CSMD3: variants seen among roughly 807,000 people sequenced by gnomAD.
CSMD3 encodes CUB and Sushi multiple domains 3, also known as CUB and sushi domain-containing protein 3.
A neutral mutation model predicts 435.2 loss-of-function variants in CSMD3; 177 were observed. That is an observed-to-expected ratio of 0.41 (90% CI 0.36 to 0.46). CSMD3 has a LOEUF of 0.46. Ranked by LOEUF, CSMD3 falls within the 20% of genes least tolerant of loss-of-function variation. The pLI is 0.34. For synonymous variants in CSMD3, 1,656 were observed against 1,520.5 expected, an observed-to-expected ratio of 1.09 and a Z score of -2.07; for missense variants, 4,265 against 4,504.6, an observed-to-expected ratio of 0.95 and a Z score of 1.52.
At position 112,241,932 on chromosome 8, in the gene CSMD3, G is replaced by T. The variant is rs560841720; in HGVS notation, c.10403-147C>A. The T allele has an allele frequency of 6.9e-5, 49 of 707,988 alleles. 1 individual carries two copies. In the South Asian group the frequency reaches 7.2e-4, roughly 10 times the overall value. The allele number at this position is 707,988 out of a possible 1,614,324, so 43.9% of individuals were successfully genotyped here. On this transcript the variant is annotated intron_variant, in intron 65 of 70. Coordinates refer to ENST00000297405, the MANE Select transcript of CSMD3 (RefSeq NM_198123.2). ...TCACATAGATAGTTTTCTCTAAAATGTTCCGTTCATCACAACATCTCAGTC... is the reference window on the plus strand; with the variant it reads ...TCACATAGATAGTTTTCTCTAAAATTTTCCGTTCATCACAACATCTCAGTC...
intron 6 of CSMD3, among the ~76,000 whole-genome samples, chr8:113,006,670 T>C (rs975636050): frequency 6.6e-6 from 1 of 151,898 alleles, no homozygotes; most frequent in Admixed American, 6.6e-5. Flanking sequence ...GGGGCAATAA[T>C]GTGTAACCTG....
At chr8:112,762,314 C>A (rs2077860065) in intron 13 of CSMD3, among the ~76,000 whole-genome samples, 1 of 151,770 alleles carries the variant, frequency 6.6e-6, no homozygotes, top group African/African-American at 2.4e-5. Context: ...CATGTATTGT[C>A]ATAAATAAAG....
chr8:112,410,265 C>A (rs969961788), intron 32 of CSMD3, among the ~76,000 whole-genome samples: 1 of 126,324 alleles, frequency 7.9e-6, no homozygotes, highest in African/African-American at 3.0e-5. Context: ...ACAGATACAG[C>A]GATGTTTCTT....
intron 38 of CSMD3, among the ~76,000 whole-genome samples, chr8:112,364,746 A>T (rs60009683): frequency 0.1 from 15,921 of 151,968 alleles, 1,923 homozygotes; most frequent in African/African-American, 0.3. Flanking sequence ...ATGATATTCC[A>T]TGAGCTAGGA....
chr8:113,371,202 G>A (rs890327055), intron 1 of CSMD3, among the ~76,000 whole-genome samples: 1 of 151,768 alleles, frequency 6.6e-6, no homozygotes, highest in East Asian at 1.9e-4. Context: ...CTTCTCAGTC[G>A]TATTACTTAA....
Position 112,921,956 on chromosome 8 carries a change from G to T in CSMD3, c.1509-205C>A, listed in dbSNP as rs116711459. On this transcript the variant is annotated intron_variant, in intron 9 of 70. Transcript: ENST00000297405. ...TCTTGTTAATAGATGTAGAACGAAG[G>T]TCAAATAATTCACTAAGTTTACCAT... is the stretch of plus-strand genomic sequence containing the variant. 7.7e-3 allele frequency among the ~76,000 whole-genome samples: 1,173 copies of T among 152,094 alleles called. 15 individuals are homozygous for T. The highest frequency in any genetic ancestry group is 0.027 in the African/African-American group (1,119 of 41,510).
At chr8:112,804,623 A>G (rs1174533705) in intron 12 of CSMD3, among the ~76,000 whole-genome samples, 3 of 151,696 alleles carry the variant, frequency 2.0e-5, no homozygotes, top group East Asian at 2.0e-4. Context: ...GTACATTTCA[A>G]TAACTTTCTC....
chr8:113,370,431 T>C (rs2094340262), intron 1 of CSMD3, among the ~76,000 whole-genome samples: 1 of 151,440 alleles, frequency 6.6e-6, no homozygotes, highest in African/African-American at 2.4e-5. Flanking sequence ...TTTTATCTTG[T>C]AGACAACTGT....
intron 12 of CSMD3, among the ~76,000 whole-genome samples, chr8:112,826,804 T>G (rs1314757986): frequency 1.3e-5 from 2 of 152,140 alleles, no homozygotes; most frequent in Non-Finnish European, 2.9e-5. Context: ...TAATCCCTAC[T>G]GAAGATGCAG....
chr8:112,305,758 A>T (rs1253488575), intron 51 of CSMD3, among the ~76,000 whole-genome samples: 3 of 152,158 alleles, frequency 2.0e-5, no homozygotes, highest in African/African-American at 2.4e-5. Flanking sequence ...ACAAAATAAA[A>T]CATCATTGTA....
At chr8:112,832,275 C>G (rs1459322783) in intron 11 of CSMD3, among the ~76,000 whole-genome samples, 1 of 152,074 alleles carries the variant, frequency 6.6e-6, no homozygotes, top group Non-Finnish European at 1.5e-5. Flanking sequence ...ATAATATCCT[C>G]CTCTTCAGTG....
chr8:112,954,671 G>A lies in CSMD3; in HGVS notation c.1420+13C>T. On this transcript the variant is annotated intron_variant, in intron 8 of 70. Coordinates refer to ENST00000297405, the MANE Select transcript of CSMD3 (RefSeq NM_198123.2). Reference sequence around the variant, plus strand: ...TTGCACTAGAGAAAGTAACAAAAAAGAAGTACACTCACAGATAGAAAACTT... The same window carrying A: ...TTGCACTAGAGAAAGTAACAAAAAAAAAGTACACTCACAGATAGAAAACTT... The A allele has an allele frequency of 6.5e-7, 1 of 1,548,632 alleles. No individual in the cohort carries two copies. Among genetic ancestry groups the A allele is most frequent in the Middle Eastern group, 1.7e-4 (1 of 5,950 alleles).
intron 10 of CSMD3, among the ~76,000 whole-genome samples, chr8:112,860,887 TTAAAC>T (rs57872218): frequency 0.5 from 75,637 of 150,912 alleles, 19,425 homozygotes; most frequent in East Asian, 0.79. Context: ...CTCTGAATAG[TTAAAC>T]TAATTCATTT....
chr8:112,683,958 G>C (rs1310218410), intron 15 of CSMD3, among the ~76,000 whole-genome samples: 1 of 150,630 alleles, frequency 6.6e-6, no homozygotes, highest in Non-Finnish European at 1.5e-5. Context: ...TTTTGATTAA[G>C]CAGTGTAACT....
intron 23 of CSMD3, among the ~76,000 whole-genome samples, chr8:112,575,099 T>C (rs958735567): frequency 1.3e-5 from 2 of 152,064 alleles, no homozygotes; most frequent in Admixed American, 6.6e-5. Context: ...CAATATGATC[T>C]ATAAATAAAA....
intron 22 of CSMD3, among the ~76,000 whole-genome samples, chr8:112,610,326 G>C (rs1338066234): frequency 6.9e-6 from 1 of 145,822 alleles, no homozygotes. Context: ...CCTCAGTAAA[G>C]CTAAAATTAA....
intron 4 of CSMD3, among the ~76,000 whole-genome samples, chr8:113,119,667 G>A (rs941817345): frequency 2.6e-5 from 4 of 152,056 alleles, no homozygotes; most frequent in African/African-American, 9.7e-5. Context: ...AACAATGTTC[G>A]CAGCAAATTT....
intron 27 of CSMD3, among the ~76,000 whole-genome samples, chr8:112,542,645 A>G (rs1826787395): frequency 1.3e-5 from 2 of 152,058 alleles, no homozygotes; most frequent in South Asian, 4.1e-4. Flanking sequence ...TAAAACAATA[A>G]TGAAAGAAAT....
chr8:112,456,496 T>C (rs1334477174), intron 32 of CSMD3, among the ~76,000 whole-genome samples: 1 of 145,126 alleles, frequency 6.9e-6, no homozygotes, highest in African/African-American at 2.4e-5. Flanking sequence ...GCTTATTATC[T>C]AAAGAAAATA....
Sources: allele counts gnomAD v4.1 joint callset (sites outside exome capture counted in the v4.1 genomes callset), GRCh38; gene constraint gnomAD v4.1.1; transcripts MANE v1.5; gene names NCBI Gene and HGNC (gene_info 2026-07-23, HGNC 2026-07-21).